Variants in USP25 observed in about 807,000 individuals in gnomAD.
USP25 encodes ubiquitin specific peptidase 25, also known as ubiquitin carboxyl-terminal hydrolase 25.
A neutral mutation model predicts 158.5 loss-of-function variants in USP25; 85 were observed. The ratio of observed to expected loss-of-function variants is 0.54; its 90% CI spans 0.45 to 0.64. USP25 has a LOEUF of 0.64. Ranked by LOEUF, USP25 falls within the 30% of genes least tolerant of loss-of-function variation. The pLI, the probability that USP25 is intolerant of heterozygous loss-of-function variation, is 0.00. For synonymous variants in USP25, 464 were observed against 460.4 expected (o/e 1.01, Z -0.10); for missense variants, 1,242 against 1,327.3 (o/e 0.94, Z 1.00).
chr21:15,763,016 C>T (rs1045760828), intron 2 of USP25, 48 bp downstream of exon 2: 24 of 1,509,522 alleles, frequency 1.6e-5, no homozygotes, highest in African/African-American at 1.0e-4. Flanking sequence ...ATGCTCATCT[C>T]TAGTGCGTAT....
chr21:15,863,812 G>A lies in USP25; in HGVS notation c.2548-456G>A, dbSNP rs1047484430. On this transcript the variant is annotated intron_variant, in intron 20 of 25. Transcript: ENST00000400183. ...AGCACTTTGGGAGGCCAAGGCGGGCGGATTATGAGGTCAGGAGTTTGAGAC... is the reference window on the plus strand; with the variant it reads ...AGCACTTTGGGAGGCCAAGGCGGGCAGATTATGAGGTCAGGAGTTTGAGAC... 5.3e-5 allele frequency among the ~76,000 whole-genome samples: 8 copies of A among 151,748 alleles called. No homozygotes were observed. In the East Asian group the frequency reaches 1.4e-3, roughly 26 times the overall value.
At chr21:15,787,803 CA>C (rs1450960517) in intron 4 of USP25, among the ~76,000 whole-genome samples, 1 of 150,894 alleles carries the variant, frequency 6.6e-6, no homozygotes, top group Non-Finnish European at 1.5e-5. Context: ...TAATACTTCC[CA>C]AAAAGGGGCT....
At chr21:15,830,423 G>T in intron 14 of USP25, 108 bp from the exon 15 acceptor site, 3 of 868,492 alleles carry the variant, frequency 3.5e-6, no homozygotes, top group South Asian at 2.1e-5. Flanking sequence ...AAAGTTTTAG[G>T]AAAATTTTCC....
intron 5 of USP25, among the ~76,000 whole-genome samples, chr21:15,796,761 C>T (rs1212827549): frequency 6.6e-6 from 1 of 151,260 alleles, no homozygotes; most frequent in African/African-American, 2.4e-5. Flanking sequence ...TATCTGGAAC[C>T]TTTCCTCAAT....
At chr21:15,773,514 A>G (rs903997384) in intron 3 of USP25, among the ~76,000 whole-genome samples, 5 of 151,890 alleles carry the variant, frequency 3.3e-5, no homozygotes, top group Non-Finnish European at 7.4e-5. Flanking sequence ...AGTAATACCT[A>G]TTATTGTACA....
At chr21:15,823,971 G>A in intron 10 of USP25, 68 bp from the exon 11 acceptor site, 2 of 1,479,616 alleles carry the variant, frequency 1.4e-6, no homozygotes, top group Non-Finnish European at 1.8e-6. Context: ...CACATCCTGT[G>A]CCTAAGATTG....
intron 22 of USP25, 38 bp from the exon 23 acceptor site, chr21:15,870,030 T>G (rs1601187358): frequency 1.3e-6 from 2 of 1,485,106 alleles, no homozygotes; most frequent in Non-Finnish European, 1.8e-6. Context: ...TTTTTAAATC[T>G]TACTCTGAAC....
chr21:15,808,003 A>G (rs1474895306), intron 7 of USP25, among the ~76,000 whole-genome samples: 2 of 152,208 alleles, frequency 1.3e-5, no homozygotes, highest in African/African-American at 2.4e-5. Context: ...AAGTTGGCCT[A>G]CATGCTCTTT....
At chr21:15,812,727 T>C (rs2036732819) in intron 9 of USP25, among the ~76,000 whole-genome samples, 1 of 152,198 alleles carries the variant, frequency 6.6e-6, no homozygotes, top group African/African-American at 2.4e-5. Flanking sequence ...GCTTTAGTGA[T>C]TGTGTTATAT....
chr21:15,820,917 G>A (rs2037199676), intron 10 of USP25, among the ~76,000 whole-genome samples: 1 of 151,774 alleles, frequency 6.6e-6, no homozygotes, highest in Non-Finnish European at 1.5e-5. Context: ...TAAATTTTGT[G>A]GATGATATAC....
chr21:15,754,085 T>C (rs1448215494), intron 1 of USP25, among the ~76,000 whole-genome samples: 2 of 152,254 alleles, frequency 1.3e-5, no homozygotes, highest in Non-Finnish European at 2.9e-5. Flanking sequence ...GGATTTTTTT[T>C]CACAAAAGGA....
At chr21:15,824,578 T>C (rs1173792263) in intron 11 of USP25, among the ~76,000 whole-genome samples, 1 of 150,374 alleles carries the variant, frequency 6.7e-6, no homozygotes, top group East Asian at 1.9e-4. Context: ...TTCTTTCTTT[T>C]GTTTTTTTCT....
chr21:15,844,954 A>G (rs539856220), intron 18 of USP25, among the ~76,000 whole-genome samples: 19 of 152,140 alleles, frequency 1.2e-4, no homozygotes, highest in Non-Finnish European at 2.6e-4. Context: ...TTGTTTATGT[A>G]TCTGCTACTC....
chr21:15,749,774 G>A (rs542171477), intron 1 of USP25, among the ~76,000 whole-genome samples: 2 of 152,352 alleles, frequency 1.3e-5, no homozygotes, highest in African/African-American at 4.8e-5. Context: ...TTGAAGATTT[G>A]TAGGCAGGTC....
At chr21:15,842,195 A>T (rs1467651290) in intron 17 of USP25, among the ~76,000 whole-genome samples, 1 of 152,158 alleles carries the variant, frequency 6.6e-6, no homozygotes, top group Non-Finnish European at 1.5e-5. Flanking sequence ...TTTCATAATT[A>T]TTGGAGTACT....
chr21:15,847,957 T>G (rs570520645), intron 19 of USP25, among the ~76,000 whole-genome samples, 181 bp downstream of exon 19: 3 of 152,316 alleles, frequency 2.0e-5, no homozygotes, highest in African/African-American at 7.2e-5. Flanking sequence ...AAATGAAAAT[T>G]TAAGTAGAAA....
chr21:15,847,544 A>T (rs950944600), intron 18 of USP25, 119 bp from the exon 19 acceptor site: 1 of 629,098 alleles, frequency 1.6e-6, no homozygotes, highest in African/African-American at 1.8e-5. Context: ...TTTTAAAAAT[A>T]AGTCATATGG....
chr21:15,753,808 A>G (rs1391869385), intron 1 of USP25, among the ~76,000 whole-genome samples: 1 of 152,190 alleles, frequency 6.6e-6, no homozygotes, highest in Non-Finnish European at 1.5e-5. Flanking sequence ...TTTTAATTAC[A>G]TAGGTACTTA....
chr21:15,833,490 G>T lies in USP25; in HGVS notation c.2136G>T (p.Leu712Phe). The change falls in exon 17 of 26, where the codon TTG becomes TTT. Residue 712 changes from leucine (L) to phenylalanine (F), a missense_variant. Coordinates refer to ENST00000400183, the MANE Select transcript of USP25 (RefSeq NM_001283041.3). ...ATGCACAACTTGCCCAGAAAGCTTT[G>T]CAGGAAAAGCTTTTAGCGTCTCAGA... is the stretch of plus-strand genomic sequence containing the variant. ...EWDAQLAQKALQEKLLASQKL... is the reference protein window; with the variant it reads ...EWDAQLAQKAFQEKLLASQKL... 1.2e-6 allele frequency: 2 copies of T among 1,614,066 alleles called. No homozygotes were observed. Among genetic ancestry groups the T allele is most frequent in the Non-Finnish European group, 1.7e-6 (2 of 1,179,972 alleles).
Sources: gnomAD v4.1 joint callset for allele counts (sites outside exome capture counted in the v4.1 genomes callset) on GRCh38, gnomAD v4.1.1 for gene constraint, MANE v1.5 for transcripts, NCBI Gene and HGNC (gene_info 2026-07-23, HGNC 2026-07-21) for gene names.